The following FRMPD3 variants were observed in gnomAD, a reference collection of about 807,000 sequenced individuals.
The protein encoded by FRMPD3 is FERM and PDZ domain-containing protein 3.
FRMPD3 carries 42 observed loss-of-function variants against 97.9 expected under a neutral mutation model. The ratio of observed to expected loss-of-function variants is 0.43; its 90% CI spans 0.34 to 0.55. The LOEUF (loss-of-function observed/expected upper bound fraction) is 0.55, where lower values mean the gene tolerates loss of function less well. FRMPD3 is among the 20% of genes least tolerant of loss of function. FRMPD3 has a pLI of 0.03. For missense variants in FRMPD3, 1,303 were observed against 1,457.7 expected, an observed-to-expected ratio of 0.89 and a Z score of 1.73; for synonymous variants, 577 against 581.1, an observed-to-expected ratio of 0.99 and a Z score of 0.10.
rs1380084587 is a variant in FRMPD3 at position 107,449,822 on chromosome X, C to T, written c.-191C>T. Reference sequence around the variant, plus strand: ...CCAGCTGCTGCCGCCCTGCCAACCTCTGCCCGCCCCGCCGCCCGGCGCCAC... The same window carrying T: ...CCAGCTGCTGCCGCCCTGCCAACCTTTGCCCGCCCCGCCGCCCGGCGCCAC... On this transcript the variant is annotated 5_prime_UTR_variant, in exon 1 of 15. Coordinates refer to ENST00000683843, the MANE Select transcript of FRMPD3 (RefSeq NM_001388459.1). Among the ~76,000 whole-genome samples, 6 of 108,079 alleles carry T rather than the reference C, an allele frequency of 5.6e-5. No individual in the cohort carries two copies. The highest frequency in any genetic ancestry group is 7.8e-5 in the Non-Finnish European group (4 of 51,594). The allele number at this position is 108,079 out of a possible 115,157, so 93.9% of individuals were successfully genotyped here. A position where few individuals can be genotyped will look rare whatever the true frequency, so the allele number is the denominator to read the frequency against.
intron 13 of FRMPD3, among the ~76,000 whole-genome samples, chrX:107,584,823 AC>A (rs1229943738): frequency 8.9e-6 from 1 of 111,934 alleles, no homozygotes; most frequent in African/African-American, 3.2e-5. Context: ...TGGTACCACT[AC>A]CATGCTGTTT....
intron 1 of FRMPD3, among the ~76,000 whole-genome samples, chrX:107,495,005 C>T (rs1047983831): frequency 1.7e-4 from 19 of 112,517 alleles, no homozygotes; most frequent in Non-Finnish European, 2.8e-4. Flanking sequence ...AAGCAAGTGT[C>T]GTTAAGGTGG....
rs766992216 is a variant in FRMPD3, at chrX:107,560,598, C to T, written c.900-129C>T. 4 of 904,452 alleles carry T rather than the reference C, an allele frequency of 4.4e-6. No homozygotes were observed. In the South Asian group the frequency reaches 7.8e-5, roughly 18 times the overall value. The allele number at this position is 904,452 out of a possible 1,213,427, so 74.5% of individuals were successfully genotyped here. ...CTAATGTTATTTTCCTATCCCTGTC[C>T]CTTTTTCTTTCTCCCAGTCTCTATT... On this transcript the variant is annotated intron_variant, in intron 9 of 14. Transcript: ENST00000683843.
chrX:107,479,913 G>A (rs757258639), intron 1 of FRMPD3, among the ~76,000 whole-genome samples: 2 of 108,079 alleles, frequency 1.9e-5, no homozygotes, highest in African/African-American at 6.8e-5. Context: ...AATAAATGTT[G>A]AATTAAAAAG....
intron 1 of FRMPD3, among the ~76,000 whole-genome samples, chrX:107,510,504 G>A (rs890935823): frequency 8.9e-6 from 1 of 111,830 alleles, no homozygotes; most frequent in Non-Finnish European, 1.9e-5. Context: ...AACAGACAGG[G>A]TTTTCCCAGC....
At chrX:107,487,361 G>A (rs1746666740) in intron 1 of FRMPD3, among the ~76,000 whole-genome samples, 1 of 111,904 alleles carries the variant, frequency 8.9e-6, no homozygotes, top group Non-Finnish European at 1.9e-5. Flanking sequence ...ATGCAACATG[G>A]TGAGGCATAA....
At chrX:107,580,338 T>C (rs1923326663) in intron 13 of FRMPD3, among the ~76,000 whole-genome samples, 1 of 111,943 alleles carries the variant, frequency 8.9e-6, no homozygotes, top group Non-Finnish European at 1.9e-5. Context: ...CACCTGGCAT[T>C]TTACTGGCAC....
intron 1 of FRMPD3, among the ~76,000 whole-genome samples, chrX:107,499,857 A>C (rs1921863176): frequency 9.0e-6 from 1 of 111,440 alleles, no homozygotes; most frequent in Non-Finnish European, 1.9e-5. Context: ...CTGGGAACCT[A>C]TTCCTCCCTC....
chrX:107,511,098 AAG>A (rs1423172232), intron 1 of FRMPD3, among the ~76,000 whole-genome samples: 1 of 112,068 alleles, frequency 8.9e-6, no homozygotes, highest in African/African-American at 3.2e-5. Flanking sequence ...AAGTTCCCCA[AAG>A]GGGCATGGGA....
At chrX:107,456,946 C>A (rs1375207900) in intron 1 of FRMPD3, among the ~76,000 whole-genome samples, 1 of 111,882 alleles carries the variant, frequency 8.9e-6, no homozygotes, top group Admixed American at 9.5e-5. Context: ...GGCAGGAAGA[C>A]CAGTTAGCCG....
chrX:107,582,230 A>G (rs746212366), intron 13 of FRMPD3, among the ~76,000 whole-genome samples: 1 of 110,376 alleles, frequency 9.1e-6, no homozygotes, highest in Non-Finnish European at 1.9e-5. Context: ...GTCACCCAGA[A>G]TGGAGTGCAT....
chrX:107,487,809 T>C (rs1012617054), intron 1 of FRMPD3, among the ~76,000 whole-genome samples: 1 of 112,077 alleles, frequency 8.9e-6, no homozygotes, highest in Admixed American at 9.4e-5. Context: ...GTTTGTATCT[T>C]TTCATGTCAC....
intron 1 of FRMPD3, among the ~76,000 whole-genome samples, chrX:107,497,779 A>G (rs1048476868): frequency 4.4e-5 from 5 of 112,442 alleles, no homozygotes; most frequent in African/African-American, 1.6e-4. Context: ...ATTACCATGA[A>G]TACCATTAAT....
chrX:107,537,662 T>C (rs1373171668), intron 4 of FRMPD3, among the ~76,000 whole-genome samples: 1 of 111,496 alleles, frequency 9.0e-6, no homozygotes, highest in Non-Finnish European at 1.9e-5. Context: ...CCAGGAAGCA[T>C]AGGGCAGTGC....
intron 13 of FRMPD3, among the ~76,000 whole-genome samples, chrX:107,577,955 A>G (rs1053407761): frequency 8.9e-6 from 1 of 112,036 alleles, no homozygotes; most frequent in Non-Finnish European, 1.9e-5. Context: ...TAGGATAGTA[A>G]GAAACCAGGG....
Position 107,516,391 on chromosome X carries a change from A to G in FRMPD3, c.-7-10191A>G, listed in dbSNP as rs954056903. Among the ~76,000 whole-genome samples, 34 of 111,655 alleles carry G rather than the reference A, an allele frequency of 3.0e-4. No homozygotes were observed. In the Admixed American group the frequency reaches 3.1e-3, roughly 10 times the overall value. ...TTTATAATCCTTTGGGTATATACCC[A>G]GTAATGGGATGGATGGGTCAAATGG... On this transcript the variant is annotated intron_variant, in intron 1 of 14. Coordinates refer to ENST00000683843, the MANE Select transcript of FRMPD3 (RefSeq NM_001388459.1).
intron 1 of FRMPD3, among the ~76,000 whole-genome samples, chrX:107,497,727 A>G (rs1274499532): frequency 8.9e-6 from 1 of 112,465 alleles, no homozygotes; most frequent in Non-Finnish European, 1.9e-5. Context: ...GAATTCTTAC[A>G]ACCAGAATGC....
At chrX:107,487,922 G>A (rs1338820954) in intron 1 of FRMPD3, among the ~76,000 whole-genome samples, 2 of 111,977 alleles carry the variant, frequency 1.8e-5, no homozygotes, top group Non-Finnish European at 1.9e-5. Context: ...GATTTTCCTC[G>A]CAGCAGCACA....
chrX:107,550,802 T>C, intron 6 of FRMPD3, among the ~76,000 whole-genome samples: 1 of 111,567 alleles, frequency 9.0e-6, no homozygotes, highest in East Asian at 2.8e-4. Flanking sequence ...GACAGAAATA[T>C]CCATTCCTGC....
Sources: gnomAD v4.1 joint callset for allele counts (sites outside exome capture counted in the v4.1 genomes callset) on GRCh38, gnomAD v4.1.1 for gene constraint, MANE v1.5 for transcripts, NCBI Gene and HGNC (gene_info 2026-07-23, HGNC 2026-07-21) for gene names.